Variants in CIT observed in about 807,000 individuals in gnomAD.
CIT encodes the protein citron rho-interacting serine/threonine kinase.
Under a neutral mutation model 272.7 loss-of-function variants are expected in CIT, and 79 were observed. The ratio of observed to expected loss-of-function variants is 0.29; its 90% CI spans 0.24 to 0.35. The LOEUF (loss-of-function observed/expected upper bound fraction) is 0.35. CIT is among the 10% of genes least tolerant of loss of function. The pLI is 1.00. For missense variants in CIT, 1,909 were observed against 2,618.3 expected (o/e 0.73, Z 5.91); for synonymous variants, 948 against 995.6 (o/e 0.95, Z 0.90).
At chr12:119,800,102 C>A (rs372274726) in intron 10 of CIT, among the ~76,000 whole-genome samples, 3 of 152,182 alleles carry the variant, frequency 2.0e-5, no homozygotes, top group South Asian at 2.1e-4. Context: ...ATTTTTAAAA[C>A]TTTAACATGC....
chr12:119,718,776 T>C lies in CIT; in HGVS notation c.3926A>G (p.Lys1309Arg). ...QYNELKLALEKEKARCAELEE... is the reference protein window; with the variant it reads ...QYNELKLALEREKARCAELEE... The stretch of plus-strand genomic sequence containing the variant: ...TAGCTCTGCACAGCGAGCTTTCTCC[T>C]TCTCCAGGGCCAGCTTCAGCTCATT... Residue 1309 changes from lysine (K) to arginine (R), a missense_variant, in exon 31 of 48, where the codon AAG (lysine) becomes AGG (arginine). Coordinates refer to ENST00000392521, the MANE Select transcript of CIT (RefSeq NM_001206999.2). The surrounding 1 kb of genome is among the most constrained non-coding windows in gnomAD (Gnocchi z 4.8). 1 of 1,614,164 alleles carries C rather than the reference T, an allele frequency of 6.2e-7. No homozygotes were observed. The highest frequency in any genetic ancestry group is 8.5e-7 in the Non-Finnish European group (1 of 1,180,032).
chr12:119,848,033 AC>A (rs1969941320), intron 5 of CIT, among the ~76,000 whole-genome samples: 1 of 152,144 alleles, frequency 6.6e-6, no homozygotes, highest in South Asian at 2.1e-4. Flanking sequence ...CTAGAAACAC[AC>A]CAAGGTCATC....
intron 39 of CIT, among the ~76,000 whole-genome samples, chr12:119,709,992 G>A (rs569535602): frequency 2.0e-5 from 3 of 152,112 alleles, no homozygotes; most frequent in Non-Finnish European, 2.9e-5. Flanking sequence ...GATAGTCTTC[G>A]AGGCTTAGCA....
intron 46 of CIT, among the ~76,000 whole-genome samples, chr12:119,692,502 T>A (rs149351001): frequency 6.6e-4 from 101 of 152,346 alleles, no homozygotes; most frequent in African/African-American, 2.4e-3. Flanking sequence ...AAGGAGAGAC[T>A]CTAGAACAGG....
chr12:119,738,245 G>C (rs1958882105), intron 24 of CIT, among the ~76,000 whole-genome samples: 1 of 152,132 alleles, frequency 6.6e-6, no homozygotes, highest in Non-Finnish European at 1.5e-5. Context: ...TTTTTATTCA[G>C]ATCTTTGAAA....
chr12:119,815,792 G>A (rs985335362), intron 9 of CIT, among the ~76,000 whole-genome samples: 3 of 152,048 alleles, frequency 2.0e-5, no homozygotes, highest in Non-Finnish European at 4.4e-5. Flanking sequence ...TAGGAGCATA[G>A]AATATTCTGG....
intron 2 of CIT, among the ~76,000 whole-genome samples, chr12:119,874,427 T>G (rs1950778064): frequency 6.6e-6 from 1 of 152,162 alleles, no homozygotes; most frequent in African/African-American, 2.4e-5. Flanking sequence ...AGCTAACTAG[T>G]GCTGGGACTG....
intron 10 of CIT, among the ~76,000 whole-genome samples, chr12:119,788,704 TG>T (rs2137750423): frequency 6.6e-6 from 1 of 152,208 alleles, no homozygotes; most frequent in Admixed American, 6.5e-5. Flanking sequence ...CACTTATCAA[TG>T]GGCCCAGAAG....
chr12:119,841,871 T>C (rs573316945), intron 5 of CIT, among the ~76,000 whole-genome samples: 1 of 152,300 alleles, frequency 6.6e-6, no homozygotes, highest in East Asian at 1.9e-4. Flanking sequence ...AGAGCTGCTC[T>C]ACCAGCCTGG....
rs577845147 is a variant in CIT at position 119,697,940 on chromosome 12, G to A, written c.5702+36C>T. 7.9e-5 allele frequency: 127 copies of A among 1,613,520 alleles called. 1 individual carries two copies. The South Asian group carries it at 1.3e-3, about 16-fold the overall frequency. The stretch of plus-strand genomic sequence containing the variant: ...GCCGGCCCCAACACCTACCCCAATA[G>A]CTGAAGTTTTCCACGCATGGGAGGA... On this transcript the variant is annotated intron_variant, in intron 45 of 47. Transcript: ENST00000392521. This position sits in a 1 kb window ranked among gnomAD's most constrained non-coding sequence, Gnocchi z 4.9.
chr12:119,805,178 GGAGA>G (rs1966519377), intron 9 of CIT, among the ~76,000 whole-genome samples: 1 of 152,164 alleles, frequency 6.6e-6, no homozygotes, highest in Non-Finnish European at 1.5e-5. Context: ...GGAAATTTAT[GGAGA>G]GAGATTTGCA....
Position 119,776,591 on chromosome 12 carries a change from T to C in CIT, c.1836+81A>G, listed in dbSNP as rs879005555. 5.2e-5 allele frequency: 73 copies of C among 1,410,006 alleles called. No homozygotes were observed. The South Asian group carries it at 6.1e-4, about 12-fold the overall frequency. 87.3% of individuals were successfully genotyped at this position (1,410,006 alleles called of 1,614,324 possible). A position where few individuals can be genotyped will look rare whatever the true frequency, so the allele number is the denominator to read the frequency against. On this transcript the variant is annotated intron_variant, in intron 14 of 47. Transcript: ENST00000392521. ...ATTTCTCAAACTAGGTTGTTTCTCA[T>C]TAAACTAGGTTCTCCTTTTTCTTGC...
intron 9 of CIT, among the ~76,000 whole-genome samples, chr12:119,813,236 G>A (rs868236435): frequency 4.1e-4 from 62 of 152,192 alleles, no homozygotes; most frequent in African/African-American, 1.4e-3. Context: ...TTGAAGTGCT[G>A]GAAGGGTGGT....
chr12:119,733,229 G>T (rs1325671076), intron 26 of CIT, among the ~76,000 whole-genome samples: 1 of 150,544 alleles, frequency 6.6e-6, no homozygotes, highest in Admixed American at 6.6e-5. Context: ...TACTAAGAAA[G>T]GAGAAAAAAA....
chr12:119,823,056 A>C, intron 8 of CIT, 83 bp from the exon 9 acceptor site: 1 of 1,388,600 alleles, frequency 7.2e-7, no homozygotes, highest in Non-Finnish European at 9.8e-7. Flanking sequence ...TATTTCTCAT[A>C]TATGCAAGTT....
At chr12:119,765,774 G>T (rs1962385314) in intron 19 of CIT, among the ~76,000 whole-genome samples, 1 of 151,748 alleles carries the variant, frequency 6.6e-6, no homozygotes, top group Non-Finnish European at 1.5e-5. Context: ...ACCTAGCCAA[G>T]AAATCCACAT....
chr12:119,737,514 G>A (rs1958842497), intron 24 of CIT, among the ~76,000 whole-genome samples: 1 of 151,958 alleles, frequency 6.6e-6, no homozygotes, highest in African/African-American at 2.4e-5. Context: ...GCCCATTTCT[G>A]CCACCTCTTC....
chr12:119,772,047 TGAG>T (rs1164527914), intron 17 of CIT, among the ~76,000 whole-genome samples: 1 of 151,844 alleles, frequency 6.6e-6, no homozygotes, highest in Non-Finnish European at 1.5e-5. Flanking sequence ...TGAATGTGGG[TGAG>T]GATGGCCCAA....
At chr12:119,755,036 T>G (rs996306845) in intron 22 of CIT, among the ~76,000 whole-genome samples, 2 of 152,180 alleles carry the variant, frequency 1.3e-5, no homozygotes, top group Non-Finnish European at 2.9e-5. Flanking sequence ...AGAGTGAAAG[T>G]ATAGCCTGGA....
Sources: gnomAD v4.1 joint callset for allele counts (sites outside exome capture counted in the v4.1 genomes callset) on GRCh38, gnomAD v4.1.1 for gene constraint, Gnocchi (gnomAD v3.1) non-coding constraint, MANE v1.5 for transcripts, NCBI Gene and HGNC (gene_info 2026-07-23, HGNC 2026-07-21) for gene names.